The following GPR158 variants were observed in gnomAD, a reference collection of about 807,000 sequenced individuals.
The protein encoded by GPR158 is G protein-coupled receptor 158.
A neutral mutation model predicts 78.2 loss-of-function variants in GPR158; 30 were observed. The observed-to-expected ratio is 0.38, with a 90% confidence interval of 0.29 to 0.52. The LOEUF (loss-of-function observed/expected upper bound fraction) is 0.52, where lower values mean the gene tolerates loss of function less well. GPR158 is among the 20% of genes least tolerant of loss of function. The pLI is 0.83. For missense variants in GPR158, 1,463 were observed against 1,523.5 expected (o/e 0.96, Z 0.66); for synonymous variants, 581 against 591.1 (o/e 0.98, Z 0.25).
In GPR158 at chr10:25,551,074, CAA is replaced by C; in HGVS notation, c.1505_1506del (p.Lys502ThrfsTer74). On this transcript the variant is annotated frameshift_variant, in exon 6 of 11. Transcript: ENST00000376351. LOFTEE classifies it high-confidence loss of function. The part of the protein sequence containing the change: ...FATVYGTVTL[K>X]LHRVLKVFLS... The stretch of plus-strand genomic sequence containing the variant: ...CTACTGTTTACGGAACTGTCACTCT[CAA>C]ACTTCACAGGTATATACATTTTATT... 6.5e-7 allele frequency: 1 copy of C among 1,537,798 alleles called. No homozygotes were observed. Among genetic ancestry groups the C allele is most frequent in the Non-Finnish European group, 9.0e-7 (1 of 1,110,430 alleles).
chr10:25,288,947 T>C (rs914707828), intron 2 of GPR158, among the ~76,000 whole-genome samples: 2 of 152,194 alleles, frequency 1.3e-5, no homozygotes, highest in Admixed American at 1.3e-4. Flanking sequence ...AGGGCAGACT[T>C]TCCATCGGCT....
chr10:25,293,774 T>G (rs1056626520), intron 2 of GPR158, among the ~76,000 whole-genome samples: 1 of 151,248 alleles, frequency 6.6e-6, no homozygotes, highest in Non-Finnish European at 1.5e-5. Context: ...GAGATGGAGT[T>G]TCACACTGTT....
chr10:25,414,209 T>C (rs1384715515), intron 4 of GPR158, among the ~76,000 whole-genome samples: 1 of 152,204 alleles, frequency 6.6e-6, no homozygotes, highest in Non-Finnish European at 1.5e-5. Context: ...AAACCTGAGA[T>C]AGTTCTGACA....
At chr10:25,294,282 G>A (rs1438881419) in intron 2 of GPR158, among the ~76,000 whole-genome samples, 2 of 152,048 alleles carry the variant, frequency 1.3e-5, no homozygotes, top group Non-Finnish European at 2.9e-5. Flanking sequence ...GGATGATAGT[G>A]GGAGAAACTT....
intron 2 of GPR158, among the ~76,000 whole-genome samples, chr10:25,343,849 C>CAT (rs937791583): frequency 2.6e-5 from 4 of 151,920 alleles, no homozygotes; most frequent in African/African-American, 4.8e-5. Flanking sequence ...GAATTGTCAA[C>CAT]ATATACTCAA....
At chr10:25,342,618 G>GA (rs199852142) in intron 2 of GPR158, among the ~76,000 whole-genome samples, 2,192 of 151,764 alleles carry the variant, frequency 0.014, 50 homozygotes, top group African/African-American at 0.05. Flanking sequence ...ATATGCTTGG[G>GA]AAAAAAATGT....
At chr10:25,228,400 T>C (rs1853402641) in intron 2 of GPR158, among the ~76,000 whole-genome samples, 1 of 152,056 alleles carries the variant, frequency 6.6e-6, no homozygotes, top group South Asian at 2.1e-4. Context: ...AGCAAAAATT[T>C]AGAAACAAAT....
chr10:25,515,541 C>A (rs1163718363), intron 5 of GPR158, among the ~76,000 whole-genome samples: 2 of 121,086 alleles, frequency 1.7e-5, no homozygotes, highest in Admixed American at 1.8e-4. Context: ...CACCACAGTC[C>A]CCAGAGTGTG....
intron 2 of GPR158, among the ~76,000 whole-genome samples, chr10:25,382,580 T>C (rs1834170235): frequency 6.6e-6 from 1 of 152,144 alleles, no homozygotes; most frequent in East Asian, 1.9e-4. Flanking sequence ...TACTGCATTA[T>C]TTGTTATTCA....
In GPR158 at chr10:25,176,911, C is replaced by A. The variant is rs551782400; in HGVS notation, c.902+589C>A. ...CTCAGCAGTGAGTCAGTCCCAGCAG[C>A]TAGCTGTCTCTGGGATCCAGACTTT... On this transcript the variant is annotated intron_variant, in intron 1 of 10. Coordinates refer to ENST00000376351, the MANE Select transcript of GPR158 (RefSeq NM_020752.3). The surrounding 1 kb of genome is among the most constrained non-coding windows in gnomAD (Gnocchi z 6.3). Among the ~76,000 whole-genome samples the A allele has an allele frequency of 6.6e-6, 1 of 152,300 alleles. No homozygotes were observed. The highest frequency in any genetic ancestry group is 2.1e-4 in the South Asian group (1 of 4,822).
chr10:25,213,220 C>T (rs1853159545), intron 1 of GPR158, among the ~76,000 whole-genome samples: 1 of 151,976 alleles, frequency 6.6e-6, no homozygotes, highest in Non-Finnish European at 1.5e-5. Context: ...ATCAGTGATA[C>T]AGTAAGCATT....
chr10:25,375,180 A>T (rs1409639422), intron 2 of GPR158, among the ~76,000 whole-genome samples: 10 of 151,660 alleles, frequency 6.6e-5, no homozygotes, highest in Admixed American at 3.3e-4. Context: ...TTTCATAAGT[A>T]TATCCTCTTT....
chr10:25,269,917 C>T (rs1854094699), intron 2 of GPR158, among the ~76,000 whole-genome samples: 1 of 152,174 alleles, frequency 6.6e-6, no homozygotes, highest in African/African-American at 2.4e-5. Context: ...TGTCAATTAT[C>T]TTATTAAATA....
At chr10:25,554,350 A>C (rs934668019) in intron 6 of GPR158, among the ~76,000 whole-genome samples, 5 of 152,200 alleles carry the variant, frequency 3.3e-5, no homozygotes. Context: ...AGGACACGCA[A>C]TAAAGATCTG....
intron 6 of GPR158, among the ~76,000 whole-genome samples, chr10:25,567,229 T>A (rs1341119950): frequency 1.3e-5 from 2 of 152,170 alleles, no homozygotes; most frequent in African/African-American, 4.8e-5. Context: ...CCTTGCATTC[T>A]GTCATCGGCA....
intron 2 of GPR158, among the ~76,000 whole-genome samples, chr10:25,349,599 G>A (rs1855425054): frequency 6.8e-6 from 1 of 146,518 alleles, no homozygotes; most frequent in Non-Finnish European, 1.5e-5. Context: ...ATCATGGCAA[G>A]ACATGTTTGC....
At chr10:25,195,880 A>G (rs1177218401) in intron 1 of GPR158, among the ~76,000 whole-genome samples, 1 of 152,192 alleles carries the variant, frequency 6.6e-6, no homozygotes, top group Non-Finnish European at 1.5e-5. Context: ...AATTTTAAAC[A>G]CATTGTTATA....
intron 4 of GPR158, among the ~76,000 whole-genome samples, chr10:25,429,643 A>G (rs1229330547): frequency 6.6e-6 from 1 of 151,626 alleles, no homozygotes; most frequent in African/African-American, 2.4e-5. Context: ...CCAGCAGCAC[A>G]TCAAAAAGCT....
At position 25,589,780 on chromosome 10, in the gene GPR158, A is replaced by C. The variant is rs572974961; in HGVS notation, c.1892+635A>C. On this transcript the variant is annotated intron_variant, in intron 8 of 10. Coordinates refer to ENST00000376351, the MANE Select transcript of GPR158 (RefSeq NM_020752.3). Reference sequence around the variant, plus strand: ...AGGAGGAAGACAGTGGCTTATCATGAAGTGAACAAAATGAAATATATATGA... The same window carrying C: ...AGGAGGAAGACAGTGGCTTATCATGCAGTGAACAAAATGAAATATATATGA... Among the ~76,000 whole-genome samples the C allele has an allele frequency of 5.3e-5, 8 of 152,352 alleles. No individual in the cohort carries two copies. The South Asian group carries it at 1.7e-3, about 32-fold the overall frequency.
Sources: allele counts gnomAD v4.1 joint callset (sites outside exome capture counted in the v4.1 genomes callset), GRCh38; gene constraint gnomAD v4.1.1; non-coding constraint Gnocchi (gnomAD v3.1); transcripts MANE v1.5; gene names NCBI Gene and HGNC (gene_info 2026-07-23, HGNC 2026-07-21).